Variants in GAS6 observed in about 807,000 individuals in gnomAD.
GAS6 encodes the protein growth arrest specific 6.
In GAS6, 41 loss-of-function variants were observed where a neutral mutation model predicts 75.8. The observed-to-expected ratio is 0.54, with a 90% CI of 0.42 to 0.70. The LOEUF is 0.70. GAS6 is among the 30% of genes least tolerant of loss of function. The probability of loss-of-function intolerance (pLI) is 0.00; values close to 1 mark genes in which losing one functional copy is unlikely to be tolerated. For missense variants in GAS6, 854 were observed against 940.2 expected (o/e 0.91, Z 1.20); for synonymous variants, 432 against 412.6 (o/e 1.05, Z -0.57).
intron 2 of GAS6, among the ~76,000 whole-genome samples, chr13:113,859,520 TTA>T (rs1209167626): frequency 6.6e-5 from 10 of 151,010 alleles, no homozygotes; most frequent in Non-Finnish European, 5.9e-5. Flanking sequence ...GTGTGCCTGT[TTA>T]TGTGTGTGCA....
Position 113,823,432 on chromosome 13 carries a change from G to C in GAS6, c.1596C>G (p.Ala532=). 6.2e-7 allele frequency: 1 copy of C among 1,612,772 alleles called. No homozygotes were observed. The highest frequency in any genetic ancestry group is 2.2e-5 in the East Asian group (1 of 44,870). The change falls in exon 13 of 15, where the codon GCC becomes GCG. Residue 532 remains alanine (A), a synonymous_variant. Transcript: ENST00000327773. Reference sequence around the variant, plus strand: ...CTACCAGTGCCACAGAGAGAGGCACGGCACGGAGGTCGGGGGCCCAGAGCG... The same window carrying C: ...CTACCAGTGCCACAGAGAGAGGCACCGCACGGAGGTCGGGGGCCCAGAGCG... The part of the protein sequence containing the change: ...LFALWAPDLR[A]VPLSVALVDY...
chr13:113,860,022 G>T (rs1394068023), intron 2 of GAS6, among the ~76,000 whole-genome samples: 1 of 152,210 alleles, frequency 6.6e-6, no homozygotes, highest in Non-Finnish European at 1.5e-5. Flanking sequence ...CAGGGAAAAG[G>T]TGCTTGGAGG....
In GAS6 at chr13:113,823,518, T is replaced by C. The variant is rs1395295704; in HGVS notation, c.1510A>G (p.Thr504Ala). 6 of 1,612,466 alleles carry C rather than the reference T, an allele frequency of 3.7e-6. No homozygotes were observed. Among genetic ancestry groups the C allele is most frequent in the Middle Eastern group, 1.6e-4 (1 of 6,078 alleles). The stretch of plus-strand genomic sequence containing the variant: ...TGAGCCACGACTTCTACTTCCCAGG[T>C]TGATTCAGTCCCGACGTCCAGAGGG... The part of the protein sequence containing the change: ...RTPLDVGTES[T>A]WEVEVVAHIR... Residue 504 changes from threonine to alanine, a missense_variant, in exon 13 of 15, where the codon ACC becomes GCC. Physicochemically the swap from Thr to Ala is moderately conservative, Grantham distance 58. Coordinates refer to ENST00000327773, the MANE Select transcript of GAS6 (RefSeq NM_000820.4).
intron 2 of GAS6, among the ~76,000 whole-genome samples, chr13:113,853,749 C>G (rs1369408091): frequency 1.3e-5 from 2 of 152,318 alleles, no homozygotes; most frequent in African/African-American, 4.8e-5. Context: ...CAGAGTAACG[C>G]CCACAGGAAC....
At chr13:113,859,317 T>C (rs2051949394) in intron 2 of GAS6, among the ~76,000 whole-genome samples, 1 of 148,742 alleles carries the variant, frequency 6.7e-6, no homozygotes, top group African/African-American at 2.5e-5. Flanking sequence ...TGTCTGTTAG[T>C]ATGTGTGTGC....
chr13:113,827,830 G>A (rs1191277343), intron 11 of GAS6, among the ~76,000 whole-genome samples: 1 of 152,234 alleles, frequency 6.6e-6, no homozygotes, highest in Non-Finnish European at 1.5e-5. Context: ...GCACGGGCGT[G>A]TGCTGTGCTG....
Position 113,823,424 on chromosome 13 carries a change from A to AGAGGC in GAS6, c.1599_1603dup (p.Leu535ArgfsTer8). The AGAGGC allele has an allele frequency of 6.2e-7, 1 of 1,612,666 alleles. No homozygotes were observed. The highest frequency in any genetic ancestry group is 8.5e-7 in the Non-Finnish European group (1 of 1,179,886). On this transcript the variant is annotated frameshift_variant, in exon 13 of 15. Transcript: ENST00000327773. Reference sequence around the variant, plus strand: ...GTGATAGTCTACCAGTGCCACAGAGAGAGGCACGGCACGGAGGTCGGGGGC... The same window carrying AGAGGC: ...GTGATAGTCTACCAGTGCCACAGAGAGAGGCGAGGCACGGCACGGAGGTCGGGGGC...
chr13:113,828,518 G>T (rs112973733), intron 11 of GAS6, 29 bp downstream of exon 11: 1 of 1,597,618 alleles, frequency 6.3e-7, no homozygotes, highest in South Asian at 1.1e-5. Context: ...CACACGGCGC[G>T]TCTACACAGG....
chr13:113,847,892 C>G, intron 3 of GAS6, 134 bp downstream of exon 3: 2 of 815,334 alleles, frequency 2.5e-6, no homozygotes, highest in Non-Finnish European at 4.2e-6. Context: ...ATGTTCCGGA[C>G]AGTTCCACGT....
chr13:113,853,187 C>T (rs1037463812), intron 2 of GAS6, among the ~76,000 whole-genome samples: 2 of 152,244 alleles, frequency 1.3e-5, no homozygotes, highest in African/African-American at 4.8e-5. Context: ...GCCCAAAGTG[C>T]ACTGAACTGG....
At chr13:113,855,026 G>T (rs895385093) in intron 2 of GAS6, among the ~76,000 whole-genome samples, 2 of 152,244 alleles carry the variant, frequency 1.3e-5, no homozygotes, top group Non-Finnish European at 2.9e-5. Context: ...CCGTGGAGAG[G>T]AAGTGGGATG....
chr13:113,838,116 G>T lies in GAS6; in HGVS notation c.542C>A (p.Ser181Tyr). 6.2e-7 allele frequency: 1 copy of T among 1,612,924 alleles called. No homozygotes were observed. The highest frequency in any genetic ancestry group is 8.5e-7 in the Non-Finnish European group (1 of 1,179,912). ...CHNKPGSFHC[S>Y]CHSGFELSSD... ...GGAGAGCTCGAAGCCGCTGTGGCAG[G>T]AACAGTGGAAGCTACCCGGCTTGTT... Residue 181 changes from serine (S) to tyrosine (Y), a missense_variant, in exon 6 of 15, where the codon TCC (serine) becomes TAC (tyrosine). Coordinates refer to ENST00000327773, the MANE Select transcript of GAS6 (RefSeq NM_000820.4).
In GAS6 at chr13:113,829,202, GATCCTCACCTGGGCCAAGAGGGTCTCA is replaced by G. The variant is rs1292228979; in HGVS notation, c.1144-518_1144-492del. ...GGTCCCGATCTCAGGGAGACCACCT[GATCCTCACCTGGGCCAAGAGGGTCTCA>G]ATCTCAGGCAGACCACATGATCCTC... On this transcript the variant is annotated intron_variant, in intron 10 of 14. Coordinates refer to ENST00000327773, the MANE Select transcript of GAS6 (RefSeq NM_000820.4). 4.7e-3 allele frequency among the ~76,000 whole-genome samples: 397 copies of G among 84,660 alleles called. 48 individuals are homozygous for G. The highest frequency in any genetic ancestry group is 0.025 in the African/African-American group (365 of 14,372). 55.5% of individuals were successfully genotyped at this position (84,660 alleles called of 152,430 possible). A position where few individuals can be genotyped will look rare whatever the true frequency, so the allele number is the denominator to read the frequency against.
At chr13:113,856,499 G>A (rs2051915884) in intron 2 of GAS6, among the ~76,000 whole-genome samples, 1 of 152,136 alleles carries the variant, frequency 6.6e-6, no homozygotes, top group Admixed American at 6.5e-5. Flanking sequence ...AGCACTCTCA[G>A]GAGGACCCGT....
chr13:113,839,923 G>T, intron 4 of GAS6, 73 bp from the exon 5 acceptor site: 1 of 1,605,954 alleles, frequency 6.2e-7, no homozygotes, highest in South Asian at 1.1e-5. Context: ...GCTGAGATCG[G>T]GGCGGCTGTG....
chr13:113,842,574 G>A (rs2051797754), intron 4 of GAS6: 1 of 396,748 alleles, frequency 2.5e-6, no homozygotes, highest in African/African-American at 2.1e-5. Flanking sequence ...GGTCTGGCCT[G>A]AACTAGAGAA....
intron 10 of GAS6, among the ~76,000 whole-genome samples, chr13:113,831,422 G>A (rs1484546500): frequency 6.6e-6 from 1 of 152,180 alleles, no homozygotes; most frequent in African/African-American, 2.4e-5. Context: ...AGACACGTAC[G>A]GCGGGAGCTC....
chr13:113,848,935 T>C lies in GAS6; in HGVS notation c.256-885A>G, dbSNP rs77556743. 0.031 allele frequency among the ~76,000 whole-genome samples: 4,725 copies of C among 152,320 alleles called. 262 individuals carry two copies. The highest frequency in any genetic ancestry group is 0.11 in the African/African-American group (4,492 of 41,558). ...GAAGGTCAGGATTAGCAGGCGCTGG[T>C]AGCATTTTGCAGAGTAGCAGACAGA... On this transcript the variant is annotated intron_variant, in intron 2 of 14. Transcript: ENST00000327773. The surrounding 1 kb of genome is among the most constrained non-coding windows in gnomAD (Gnocchi z 4.8).
Position 113,838,207 on chromosome 13 carries a change from G to C in GAS6, c.467-16C>G, listed in dbSNP as rs773307863. The C allele has an allele frequency of 1.7e-5, 27 of 1,611,676 alleles. No homozygotes were observed. ...TCGTTGACATCTGGGAACAAGCACAGGCCTGAAGGGGAGCCCAAGGGTGCA... is the reference window on the plus strand; with the variant it reads ...TCGTTGACATCTGGGAACAAGCACACGCCTGAAGGGGAGCCCAAGGGTGCA... On this transcript the variant is annotated splice_polypyrimidine_tract_variant and intron_variant, in intron 5 of 14. Transcript: ENST00000327773.
Sources: gnomAD v4.1 joint callset for allele counts (sites outside exome capture counted in the v4.1 genomes callset) on GRCh38, gnomAD v4.1.1 for gene constraint, Gnocchi (gnomAD v3.1) non-coding constraint, MANE v1.5 for transcripts, NCBI Gene and HGNC (gene_info 2026-07-23, HGNC 2026-07-21) for gene names.